The following ZFYVE26 variants were observed in gnomAD, a reference collection of about 807,000 sequenced individuals.
ZFYVE26 encodes the protein zinc finger FYVE-type containing 26, also known as zinc finger FYVE domain-containing protein 26.
ZFYVE26 carries 181 observed loss-of-function variants against 276.5 expected under a neutral mutation model. The observed-to-expected ratio is 0.65, with a 90% confidence interval of 0.58 to 0.74. ZFYVE26 has a LOEUF of 0.74. Ranked by LOEUF, ZFYVE26 falls within the 30% of genes least tolerant of loss-of-function variation. The pLI is 0.00. For synonymous variants in ZFYVE26, 1,129 were observed against 1,203.1 expected (o/e 0.94, Z 1.27); for missense variants, 2,821 against 3,097.9 (o/e 0.91, Z 2.12).
chr14:67,791,672 A>G (rs2039816933), intron 14 of ZFYVE26, among the ~76,000 whole-genome samples: 1 of 150,740 alleles, frequency 6.6e-6, no homozygotes, highest in African/African-American at 2.4e-5. Flanking sequence ...AAAAAAAAAG[A>G]CCACGGCTCA....
rs150063715 is a variant in ZFYVE26 at position 67,790,603 on chromosome 14, A to G, written c.2724T>C (p.Thr908=). The G allele has an allele frequency of 1.2e-6, 2 of 1,613,980 alleles. No individual in the cohort carries two copies. The change falls in exon 15 of 42, where the codon ACT becomes ACC. Residue 908 remains threonine (T), a synonymous_variant. Coordinates refer to ENST00000347230, the MANE Select transcript of ZFYVE26 (RefSeq NM_015346.4). The part of the protein sequence containing the change: ...TIRRTGSGRS[T]LQAIGSAAAA... ...CTGCAGCGCTGCCAATGGCCTGTAG[A>G]GTTGAGCGGCCACTGCCAGTTCTCC...
At chr14:67,769,423 T>C (rs2039145011) in intron 29 of ZFYVE26, among the ~76,000 whole-genome samples, 171 bp downstream of exon 29, 1 of 152,238 alleles carries the variant, frequency 6.6e-6, no homozygotes, top group South Asian at 2.1e-4. Context: ...GTGGTTTCTC[T>C]GACCAAAGTC....
chr14:67,789,188 G>T, intron 16 of ZFYVE26, 147 bp downstream of exon 16: 1 of 1,066,796 alleles, frequency 9.4e-7, no homozygotes, highest in Non-Finnish European at 1.4e-6. Context: ...CTGTATTTAT[G>T]CCATCAGATT....
chr14:67,778,726 C>A (rs73278457), intron 23 of ZFYVE26, among the ~76,000 whole-genome samples: 1 of 151,698 alleles, frequency 6.6e-6, no homozygotes, highest in East Asian at 1.9e-4. Context: ...TCACTACCCC[C>A]CAACCCCAAT....
Position 67,777,597 on chromosome 14 carries a change from G to C in ZFYVE26, c.4936C>G (p.Arg1646Gly). Residue 1646 changes from arginine (R) to glycine (G), a missense_variant, in exon 25 of 42, where the codon CGA becomes GGA. Arg to Gly is a moderately radical substitution (Grantham distance 125). Coordinates refer to ENST00000347230, the MANE Select transcript of ZFYVE26 (RefSeq NM_015346.4). Reference sequence around the variant, plus strand: ...TACAGCGCCTGGATTTCACGGTGTCGGACAGCAGTCAGTTGTCCATAGAAG... The same window carrying C: ...TACAGCGCCTGGATTTCACGGTGTCCGACAGCAGTCAGTTGTCCATAGAAG... ...THFYGQLTAVRHREIQALYVG... is the reference protein window; with the variant it reads ...THFYGQLTAVGHREIQALYVG... 6.2e-7 allele frequency: 1 copy of C among 1,614,072 alleles called. No homozygotes were observed. The highest frequency in any genetic ancestry group is 8.5e-7 in the Non-Finnish European group (1 of 1,180,026).
chr14:67,756,393 G>C (rs1292261903), intron 35 of ZFYVE26: 1 of 549,134 alleles, frequency 1.8e-6, no homozygotes, highest in East Asian at 3.2e-5. Flanking sequence ...TCCCTCCTGT[G>C]ATTTTTCTCT....
chr14:67,760,775 T>C (rs1197397867), intron 35 of ZFYVE26: 1 of 170,106 alleles, frequency 5.9e-6, no homozygotes, highest in Non-Finnish European at 1.3e-5. Flanking sequence ...GAAGTCCTGA[T>C]TGCTTATTAA....
rs1468614163 is a variant in ZFYVE26 at position 67,794,366 on chromosome 14, T to C, written c.2333-127A>G. ...GAGGATAATGAATAACTATGACACC[T>C]GCTGCTCCTTCTACAGCAAAACACA... On this transcript the variant is annotated intron_variant, in intron 12 of 41. Coordinates refer to ENST00000347230, the MANE Select transcript of ZFYVE26 (RefSeq NM_015346.4). 3.2e-6 allele frequency: 3 copies of C among 928,836 alleles called. No individual in the cohort carries two copies. The Admixed American group carries it at 5.3e-5, about 16-fold the overall frequency. The allele number at this position is 928,836 out of a possible 1,614,324, so 57.5% of individuals were successfully genotyped here. A position where few individuals can be genotyped will look rare whatever the true frequency, so the allele number is the denominator to read the frequency against.
intron 31 of ZFYVE26, among the ~76,000 whole-genome samples, chr14:67,767,112 C>T (rs1429397518): frequency 1.3e-5 from 2 of 152,116 alleles, no homozygotes; most frequent in Non-Finnish European, 1.5e-5. Flanking sequence ...CTTGTCTGAC[C>T]ACCTAGAGGA....
chr14:67,767,153 G>A (rs1483267419), intron 31 of ZFYVE26, among the ~76,000 whole-genome samples: 1 of 152,040 alleles, frequency 6.6e-6, no homozygotes, highest in East Asian at 1.9e-4. Flanking sequence ...ACACACTGCT[G>A]CTAAATTAAT....
chr14:67,766,336 G>A lies in ZFYVE26; in HGVS notation c.5902C>T (p.Pro1968Ser), dbSNP rs1393164300. The A allele has an allele frequency of 6.2e-7, 1 of 1,613,414 alleles. No homozygotes were observed. The highest frequency in any genetic ancestry group is 1.1e-5 in the South Asian group (1 of 91,042). Reference sequence around the variant, plus strand: ...GTGAGCAGCCCGGCATCCACCTCTGGGTTGGTGAGGCCCTTGGAGAGCCTG... The same window carrying A: ...GTGAGCAGCCCGGCATCCACCTCTGAGTTGGTGAGGCCCTTGGAGAGCCTG... Reference protein sequence around the residue: ...CCRLSKGLTNPEVDAGLLTDI... With the variant: ...CCRLSKGLTNSEVDAGLLTDI... The change falls in exon 32 of 42, where the codon CCA becomes TCA. Residue 1968 changes from proline (P) to serine (S), a missense_variant. Coordinates refer to ENST00000347230, the MANE Select transcript of ZFYVE26 (RefSeq NM_015346.4).
At chr14:67,735,613 A>T (rs1351174096) in intron 13 of ZFYVE26, among the ~76,000 whole-genome samples, 1 of 152,188 alleles carries the variant, frequency 6.6e-6, no homozygotes, top group Non-Finnish European at 1.5e-5. Context: ...CATACAGGAA[A>T]CAAGATCCTG....
Position 67,807,679 on chromosome 14 carries a change from C to G in ZFYVE26, c.605G>C (p.Arg202Pro), listed in dbSNP as rs752239666. ...CACCGAATCAGGGCCCTGCAAAGCC[C>G]GCAATGCCTTTCGAATGAGGTCCAC... The part of the protein sequence containing the change: ...ALVDLIRKAL[R>P]ALQGPDSVPP... Residue 202 changes from arginine to proline, a missense_variant, in exon 5 of 42, where the codon CGG becomes CCG. Arg to Pro is a moderately radical substitution (Grantham distance 103). Coordinates refer to ENST00000347230, the MANE Select transcript of ZFYVE26 (RefSeq NM_015346.4). 6.2e-7 allele frequency: 1 copy of G among 1,614,172 alleles called. No individual in the cohort carries two copies. Among genetic ancestry groups the G allele is most frequent in the East Asian group, 2.2e-5 (1 of 44,882 alleles).
chr14:67,814,011 A>T lies in ZFYVE26; in HGVS notation c.248T>A (p.Leu83Gln). The T allele has an allele frequency of 6.2e-7, 1 of 1,613,980 alleles. No individual in the cohort carries two copies. The highest frequency in any genetic ancestry group is 2.2e-5 in the East Asian group (1 of 44,888). ...CTTTTCCCGGGCCAACCATTTCTCC[A>T]GTACAAGAAGCCAGACCCAGGCTAC... ...QRVAWVWLLVLEKWLAREKKL... is the reference protein window; with the variant it reads ...QRVAWVWLLVQEKWLAREKKL... Residue 83 changes from leucine (L) to glutamine (Q), a missense_variant, in exon 3 of 42, where the codon CTG (leucine) becomes CAG (glutamine). Coordinates refer to ENST00000347230, the MANE Select transcript of ZFYVE26 (RefSeq NM_015346.4).
At chr14:67,762,539 C>T in intron 33 of ZFYVE26, 127 bp from the exon 34 acceptor site, 1 of 1,547,862 alleles carries the variant, frequency 6.5e-7, no homozygotes, top group South Asian at 1.2e-5. Flanking sequence ...TCTCTGCTGG[C>T]AAACTAGTCA....
In ZFYVE26 at chr14:67,747,771, C is replaced by T. The variant is rs2038522152; in HGVS notation, c.*665G>A. 1 of 153,320 alleles carries T rather than the reference C, an allele frequency of 6.5e-6. No individual in the cohort carries two copies. The highest frequency in any genetic ancestry group is 1.5e-5 in the Non-Finnish European group (1 of 68,700). 9.5% of individuals were successfully genotyped at this position (153,320 alleles called of 1,614,324 possible). On this transcript the variant is annotated 3_prime_UTR_variant, in exon 42 of 42. Transcript: ENST00000347230. Reference sequence around the variant, plus strand: ...CATACCCACAGCTTTCAGATGCCTGCACCTGAAAACCCTTCTATTCAGACT... The same window carrying T: ...CATACCCACAGCTTTCAGATGCCTGTACCTGAAAACCCTTCTATTCAGACT...
Position 67,777,754 on chromosome 14 carries a change from G to A in ZFYVE26, c.4798-19C>T. The stretch of plus-strand genomic sequence containing the variant: ...GCAGGAGCTATTGTCAAAGGGTAGA[G>A]GAGGAAGGTGTGGCCTGCAGAAGAG... On this transcript the variant is annotated intron_variant, in intron 24 of 41. Coordinates refer to ENST00000347230, the MANE Select transcript of ZFYVE26 (RefSeq NM_015346.4). 1.2e-6 allele frequency: 2 copies of A among 1,614,114 alleles called. No individual in the cohort carries two copies. The highest frequency in any genetic ancestry group is 1.7e-6 in the Non-Finnish European group (2 of 1,179,978).
At position 67,772,320 on chromosome 14, in the gene ZFYVE26, G is replaced by A. The variant is rs1594901217; in HGVS notation, c.5321-110C>T. 8 of 1,255,836 alleles carry A rather than the reference G, an allele frequency of 6.4e-6. No individual in the cohort carries two copies. In the East Asian group the frequency reaches 1.0e-4, roughly 16 times the overall value. The allele number at this position is 1,255,836 out of a possible 1,614,324, so 77.8% of individuals were successfully genotyped here. The stretch of plus-strand genomic sequence containing the variant: ...TTTACAAACCGTTATTGAAAGAATA[G>A]ATCCAGTTAATGATCATCAGTGACT... On this transcript the variant is annotated intron_variant, in intron 27 of 41. Transcript: ENST00000347230.
At chr14:67,799,141 TA>T in intron 10 of ZFYVE26, 1 of 1,518,476 alleles carries the variant, frequency 6.6e-7, no homozygotes, top group South Asian at 1.1e-5. Context: ...GGCTACTCTT[TA>T]AAAAGATATC....
Sources: allele counts gnomAD v4.1 joint callset (sites outside exome capture counted in the v4.1 genomes callset), GRCh38; gene constraint gnomAD v4.1.1; transcripts MANE v1.5; gene names NCBI Gene and HGNC (gene_info 2026-07-23, HGNC 2026-07-21).